The following PRKCB variants were observed in gnomAD, a reference collection of about 807,000 sequenced individuals.
PRKCB encodes the protein protein kinase C beta type.
In PRKCB, 13 loss-of-function variants were observed where a neutral mutation model predicts 81.5. The observed-to-expected ratio is 0.16, with a 90% confidence interval of 0.10 to 0.25. The LOEUF (loss-of-function observed/expected upper bound fraction) is 0.25, where lower values mean the gene tolerates loss of function less well. Among genes scored for constraint, PRKCB ranks in the 10% least tolerant of loss-of-function variants. PRKCB has a pLI of 1.00. For synonymous variants in PRKCB, 335 were observed against 321.4 expected, an observed-to-expected ratio of 1.04 and a Z score of -0.45; for missense variants, 509 against 875.7, an observed-to-expected ratio of 0.58 and a Z score of 5.29.
At chr16:24,190,760 G>T (rs1023016089) in intron 15 of PRKCB, among the ~76,000 whole-genome samples, 2 of 151,740 alleles carry the variant, frequency 1.3e-5, no homozygotes, top group African/African-American at 4.8e-5. Flanking sequence ...CTTGTGATTC[G>T]CCCGCCTAGG....
chr16:24,020,133 C>T (rs1289443264), intron 3 of PRKCB, among the ~76,000 whole-genome samples: 1 of 152,202 alleles, frequency 6.6e-6, no homozygotes, highest in Non-Finnish European at 1.5e-5. Context: ...CTCTGTTTCT[C>T]CACAGCTTTT....
chr16:24,214,602 T>G, intron 16 of PRKCB, 56 bp from the exon 17 acceptor site: 1 of 1,471,026 alleles, frequency 6.8e-7, no homozygotes, highest in Non-Finnish European at 9.4e-7. Flanking sequence ...TTATTTTGGC[T>G]TTTGTTTTTG....
At chr16:24,165,065 G>A (rs892977274) in intron 10 of PRKCB, among the ~76,000 whole-genome samples, 3 of 152,084 alleles carry the variant, frequency 2.0e-5, no homozygotes, top group Non-Finnish European at 4.4e-5. Flanking sequence ...ATTTGAAACA[G>A]GGTCTCACTC....
chr16:24,112,731 T>G (rs1189507718), intron 7 of PRKCB, among the ~76,000 whole-genome samples: 1 of 152,142 alleles, frequency 6.6e-6, no homozygotes, highest in African/African-American at 2.4e-5. Flanking sequence ...TATGTACATG[T>G]GATATACATT....
intron 5 of PRKCB, among the ~76,000 whole-genome samples, chr16:24,041,096 C>T (rs986376980): frequency 1.3e-5 from 2 of 150,712 alleles, no homozygotes; most frequent in Non-Finnish European, 2.9e-5. Flanking sequence ...GTCACCCAGG[C>T]TGGAGTGCAG....
chr16:24,136,486 G>C (rs1037593707), intron 9 of PRKCB, among the ~76,000 whole-genome samples: 8 of 152,128 alleles, frequency 5.3e-5, no homozygotes, highest in African/African-American at 1.9e-4. Flanking sequence ...GCTCCATCTG[G>C]GGGGTTGTAG....
chr16:24,021,111 C>CTTTCTTTCTTTCTTTCTT (rs1258566314), intron 3 of PRKCB, among the ~76,000 whole-genome samples: 1 of 80,928 alleles, frequency 1.2e-5, no homozygotes, highest in Non-Finnish European at 2.7e-5. Flanking sequence ...TTCTTTCCTT[C>CTTTCTTTCTTTCTTTCTT]TCTCTCTTTC....
chr16:23,882,430 G>T (rs1963139229), intron 2 of PRKCB, among the ~76,000 whole-genome samples: 1 of 151,990 alleles, frequency 6.6e-6, no homozygotes, highest in Admixed American at 6.6e-5. Context: ...TTGCTATGTT[G>T]CCCAGGCTGG....
chr16:24,089,414 A>G (rs931515735), intron 5 of PRKCB, among the ~76,000 whole-genome samples: 1 of 152,198 alleles, frequency 6.6e-6, no homozygotes, highest in African/African-American at 2.4e-5. Flanking sequence ...TTAAGAAGAA[A>G]ACCACAAATG....
At chr16:24,092,537 C>T (rs1251858849) in intron 5 of PRKCB, among the ~76,000 whole-genome samples, 1 of 152,162 alleles carries the variant, frequency 6.6e-6, no homozygotes, top group Non-Finnish European at 1.5e-5. Context: ...GCTTAGAAAA[C>T]TTACAGTTAA....
rs114688380 is a variant in PRKCB at position 23,977,874 on chromosome 16, C to T, written c.206-10634C>T. Among the ~76,000 whole-genome samples the T allele has an allele frequency of 5.4e-3, 829 of 152,218 alleles. 9 individuals carry two copies. The highest frequency in any genetic ancestry group is 0.019 in the African/African-American group (806 of 41,516). On this transcript the variant is annotated intron_variant, in intron 2 of 16. Coordinates refer to ENST00000643927, the MANE Select transcript of PRKCB (RefSeq NM_002738.7). ...GCCCGTGGTCTCTGCTTGCCCTCCTCTACTCAGCTGCAATGAGTGGTTTCC... is the reference window on the plus strand; with the variant it reads ...GCCCGTGGTCTCTGCTTGCCCTCCTTTACTCAGCTGCAATGAGTGGTTTCC...
chr16:23,879,340 G>T (rs562700280), intron 2 of PRKCB, among the ~76,000 whole-genome samples: 9 of 152,112 alleles, frequency 5.9e-5, no homozygotes, highest in South Asian at 4.1e-4. Flanking sequence ...AGTAAGTCTG[G>T]GCTGTTTTCA....
At chr16:24,156,689 G>A (rs1967165115) in intron 10 of PRKCB, among the ~76,000 whole-genome samples, 1 of 152,224 alleles carries the variant, frequency 6.6e-6, no homozygotes, top group South Asian at 2.1e-4. Flanking sequence ...GACCAGGAAA[G>A]GGGTACACCT....
intron 2 of PRKCB, among the ~76,000 whole-genome samples, chr16:23,846,317 G>A (rs1294615402): frequency 6.6e-6 from 1 of 151,880 alleles, no homozygotes; most frequent in Non-Finnish European, 1.5e-5. Flanking sequence ...TTATGAGAAT[G>A]TAAAACTATG....
rs114212941 is a variant in PRKCB at position 24,077,766 on chromosome 16, T to G, written c.530-15025T>G. Among the ~76,000 whole-genome samples, 1,202 of 152,348 alleles carry G rather than the reference T, an allele frequency of 7.9e-3. 21 individuals carry two copies. The highest frequency in any genetic ancestry group is 0.027 in the African/African-American group (1,127 of 41,578). On this transcript the variant is annotated intron_variant, in intron 5 of 16. Transcript: ENST00000643927. ...AACAACAGTAGGAGAAACAGGAAACTTGTCTTCAAATGGTAGCCCTTTTCC... is the reference window on the plus strand; with the variant it reads ...AACAACAGTAGGAGAAACAGGAAACGTGTCTTCAAATGGTAGCCCTTTTCC...
At position 24,193,397 on chromosome 16, in the gene PRKCB, A is replaced by T. The variant is rs916911376; in HGVS notation, c.1863+2167A>T. 7.2e-5 allele frequency among the ~76,000 whole-genome samples: 11 copies of T among 151,858 alleles called. No homozygotes were observed. In the East Asian group the frequency reaches 7.8e-4, roughly 11 times the overall value. ...GAGGTGGAGGTTGCAGTGAGCTGAG[A>T]TTGCGCCACTGCACTCCAGCCTGGG... On this transcript the variant is annotated intron_variant, in intron 16 of 16. Transcript: ENST00000643927.
intron 7 of PRKCB, among the ~76,000 whole-genome samples, chr16:24,110,235 G>T (rs562349337): frequency 6.6e-6 from 1 of 151,156 alleles, no homozygotes; most frequent in Non-Finnish European, 1.5e-5. Context: ...TTCTTGAGAC[G>T]GTGTCTCGCT....
At chr16:23,951,142 T>C (rs1226284162) in intron 2 of PRKCB, among the ~76,000 whole-genome samples, 4 of 152,240 alleles carry the variant, frequency 2.6e-5, no homozygotes, top group African/African-American at 9.6e-5. Context: ...GACTGTCATG[T>C]GCAAAGCACG....
intron 2 of PRKCB, among the ~76,000 whole-genome samples, chr16:23,954,611 A>T (rs990100260): frequency 2.6e-5 from 4 of 152,222 alleles, no homozygotes; most frequent in Non-Finnish European, 5.9e-5. Flanking sequence ...ACAGGACAGC[A>T]TGGACACTAG....
Sources: allele counts gnomAD v4.1 joint callset (sites outside exome capture counted in the v4.1 genomes callset), GRCh38; gene constraint gnomAD v4.1.1; transcripts MANE v1.5; gene names NCBI Gene and HGNC (gene_info 2026-07-23, HGNC 2026-07-21).